The following CCDC88C variants were observed in gnomAD, a reference collection of about 807,000 sequenced individuals.
CCDC88C encodes protein Daple.
In CCDC88C, 131 loss-of-function variants were observed where a neutral mutation model predicts 198.8. The observed-to-expected ratio is 0.66, with a 90% confidence interval of 0.57 to 0.76. The LOEUF (loss-of-function observed/expected upper bound fraction) is 0.76. Among genes scored for constraint, CCDC88C ranks in the 30% least tolerant of loss-of-function variants. The probability of loss-of-function intolerance (pLI) is 0.00; values close to 1 mark genes in which losing one functional copy is unlikely to be tolerated. For missense variants in CCDC88C, 2,553 were observed against 2,631.6 expected (o/e 0.97, Z 0.65); for synonymous variants, 1,166 against 1,114.7 (o/e 1.05, Z -0.92).
In CCDC88C at chr14:91,288,496, C is replaced by T. The variant is rs570252337; in HGVS notation, c.4441+609G>A. Among the ~76,000 whole-genome samples, 1 of 152,202 alleles carries T rather than the reference C, an allele frequency of 6.6e-6. No individual in the cohort carries two copies. The stretch of plus-strand genomic sequence containing the variant: ...CAGCTTTCTACAAATCTGGCACATA[C>T]GAGGCAGCCCAAAATAAGCTATGTC... On this transcript the variant is annotated intron_variant, in intron 25 of 29. Coordinates refer to ENST00000389857, the MANE Select transcript of CCDC88C (RefSeq NM_001080414.4). The surrounding 1 kb of genome is among the most constrained non-coding windows in gnomAD (Gnocchi z 4.2).
In CCDC88C at chr14:91,279,289, A is replaced by G. The variant is rs1890101634; in HGVS notation, c.4717T>C (p.Leu1573=). ...CTGGATGTGTTTCTACTGCTCTCTAAGCTACTTGGCCGCGACACTGAAAGG... is the reference window on the plus strand; with the variant it reads ...CTGGATGTGTTTCTACTGCTCTCTAGGCTACTTGGCCGCGACACTGAAAGG... ...HRQYVSRPSS[L]ESSRNTSSNS... is the part of the protein sequence containing the mutation. The change falls in exon 28 of 30, where the codon TTA becomes CTA. Residue 1573 remains leucine (L), a synonymous_variant. Coordinates refer to ENST00000389857, the MANE Select transcript of CCDC88C (RefSeq NM_001080414.4). The G allele has an allele frequency of 6.2e-7, 1 of 1,602,564 alleles. No homozygotes were observed. The highest frequency in any genetic ancestry group is 1.3e-5 in the African/African-American group (1 of 74,918).
In CCDC88C at chr14:91,273,045, A is replaced by T; in HGVS notation, c.5667T>A (p.Ala1889=). The T allele has an allele frequency of 6.4e-7, 1 of 1,554,230 alleles. No individual in the cohort carries two copies. Among genetic ancestry groups the T allele is most frequent in the East Asian group, 2.4e-5 (1 of 41,940 alleles). ...RPLDTRRFSL[A]PPKEERLAPL... ...GGGCCAGCCTCTCCTCCTTTGGGGG[A>T]GCCAGGGAGAAGCGCCTCGTGTCCA... The change falls in exon 30 of 30, where the codon GCT becomes GCA. Residue 1889 remains alanine, a synonymous_variant. Coordinates refer to ENST00000389857, the MANE Select transcript of CCDC88C (RefSeq NM_001080414.4). This position sits in a 1 kb window ranked among gnomAD's most constrained non-coding sequence, Gnocchi z 5.6.
intron 4 of CCDC88C, among the ~76,000 whole-genome samples, chr14:91,346,185 T>G (rs1034108469): frequency 5.3e-5 from 8 of 152,188 alleles, no homozygotes; most frequent in Non-Finnish European, 1.2e-4. Flanking sequence ...ACCCCTCAAC[T>G]GAGAAATAGC....
intron 3 of CCDC88C, among the ~76,000 whole-genome samples, chr14:91,373,695 C>T (rs548889419): frequency 2.0e-5 from 3 of 152,106 alleles, no homozygotes; most frequent in Admixed American, 6.5e-5. Context: ...GTTGAAAAGC[C>T]GGGGAGGAGG....
rs757563257 is a variant in CCDC88C, at chr14:91,305,887, G to C, written c.3235C>G (p.Gln1079Glu). Residue 1079 changes from glutamine to glutamate, a missense_variant, in exon 19 of 30, where the codon CAG (glutamine) becomes GAG (glutamate). By Grantham distance (29) the Gln-to-Glu change is conservative. Around this residue, in one of 2 missense-constraint regions of CCDC88C, gnomAD observed 1,260 missense variants for 1,412.0 expected, o/e 0.89. Transcript: ENST00000389857. The stretch of plus-strand genomic sequence containing the variant: ...TTCTGGGTCTCCAGGTGCTGCAGCT[G>C]TTCCTTTAGCAGCTGCTTCTCAGCC... Reference protein sequence around the residue: ...LQAEKQLLKEQLQHLETQNVT... With the variant: ...LQAEKQLLKEELQHLETQNVT... 4 of 1,613,884 alleles carry C rather than the reference G, an allele frequency of 2.5e-6. No individual in the cohort carries two copies. Among genetic ancestry groups the C allele is most frequent in the East Asian group, 2.2e-5 (1 of 44,890 alleles).
chr14:91,404,132 C>T (rs1033784968), intron 3 of CCDC88C, among the ~76,000 whole-genome samples: 1 of 152,146 alleles, frequency 6.6e-6, no homozygotes, highest in African/African-American at 2.4e-5. Context: ...GGTGTCCCCA[C>T]ATTGGACAGG....
chr14:91,348,713 G>T (rs1047229945), intron 4 of CCDC88C, among the ~76,000 whole-genome samples: 2 of 152,144 alleles, frequency 1.3e-5, no homozygotes, highest in African/African-American at 4.8e-5. Context: ...GTAACAGGAG[G>T]GAAAAAGGCT....
At position 91,339,327 on chromosome 14, in the gene CCDC88C, C is replaced by T. The variant is rs769431847; in HGVS notation, c.760G>A (p.Val254Ile). Residue 254 changes from valine to isoleucine, a missense_variant, in exon 8 of 30, where the codon GTA (valine) becomes ATA (isoleucine). Physicochemically the swap from Val to Ile is conservative, Grantham distance 29. This residue lies in a region of CCDC88C where 1,260 missense variants were observed against 1,412.0 expected (regional missense o/e 0.89). Transcript: ENST00000389857. This position sits in a 1 kb window ranked among gnomAD's most constrained non-coding sequence, Gnocchi z 5.8. ...LSSEDKQHLA[V>I]ELADTKARLR... The stretch of plus-strand genomic sequence containing the variant: ...CTGGCCTTGGTGTCGGCCAGCTCTA[C>T]GGCCAGGTGCTGCTTGTCTTCGCTA... 1.9e-5 allele frequency: 31 copies of T among 1,613,546 alleles called. No homozygotes were observed. The highest frequency in any genetic ancestry group is 8.3e-5 in the Admixed American group (5 of 59,984).
chr14:91,280,533 G>A (rs930092498), intron 27 of CCDC88C, among the ~76,000 whole-genome samples: 4 of 152,186 alleles, frequency 2.6e-5, no homozygotes, highest in Admixed American at 6.5e-5. Context: ...CCGTGATAGC[G>A]ATCAACGGCC....
At position 91,396,178 on chromosome 14, in the gene CCDC88C, G is replaced by T. The variant is rs10484029; in HGVS notation, c.270+12481C>A. On this transcript the variant is annotated intron_variant, in intron 3 of 29. Coordinates refer to ENST00000389857, the MANE Select transcript of CCDC88C (RefSeq NM_001080414.4). Reference sequence around the variant, plus strand: ...AATAACAAAAACTGTTACGAGCCCTGGAGGTGAGCCACGCAGCCGGCTTCA... The same window carrying T: ...AATAACAAAAACTGTTACGAGCCCTTGAGGTGAGCCACGCAGCCGGCTTCA... 3.2e-3 allele frequency among the ~76,000 whole-genome samples: 494 copies of T among 152,318 alleles called. 4 individuals are homozygous for T. The highest frequency in any genetic ancestry group is 0.011 in the African/African-American group (462 of 41,562).
intron 13 of CCDC88C, among the ~76,000 whole-genome samples, chr14:91,318,996 C>A (rs1892233161): frequency 6.7e-6 from 1 of 150,320 alleles, no homozygotes; most frequent in Non-Finnish European, 1.5e-5. Context: ...CAGTAAATGA[C>A]ACTGCCAGGA....
intron 13 of CCDC88C, among the ~76,000 whole-genome samples, chr14:91,317,517 C>A (rs575936959): frequency 6.6e-6 from 1 of 152,212 alleles, no homozygotes; most frequent in African/African-American, 2.4e-5. Context: ...GCACCCTCTA[C>A]GTGTCAGACT....
At position 91,298,402 on chromosome 14, in the gene CCDC88C, C is replaced by A. The variant is rs942223781; in HGVS notation, c.3780-911G>T. Among the ~76,000 whole-genome samples the A allele has an allele frequency of 2.6e-5, 4 of 151,930 alleles. No individual in the cohort carries two copies. In the East Asian group the frequency reaches 7.7e-4, roughly 29 times the overall value. On this transcript the variant is annotated intron_variant, in intron 21 of 29. Coordinates refer to ENST00000389857, the MANE Select transcript of CCDC88C (RefSeq NM_001080414.4). ...AAAAAAATGTTGCCGGGCATAGTGA[C>A]GCACACCTGTGCTCCCAGCTACTTG... is the stretch of plus-strand genomic sequence containing the variant.
rs1481621974 is a variant in CCDC88C at position 91,271,463 on chromosome 14, A to C, written c.*1162T>G. The C allele has an allele frequency of 6.6e-6, 1 of 151,952 alleles. No homozygotes were observed. The highest frequency in any genetic ancestry group is 1.5e-5 in the Non-Finnish European group (1 of 68,010). 9.4% of individuals were successfully genotyped at this position (151,952 alleles called of 1,614,324 possible). ...CATTTCTTTCTCAGTATATTAAATC[A>C]AAAGGAAAAAAAAATCTTAAAAAAA... is the stretch of plus-strand genomic sequence containing the variant. On this transcript the variant is annotated 3_prime_UTR_variant, in exon 30 of 30. Coordinates refer to ENST00000389857, the MANE Select transcript of CCDC88C (RefSeq NM_001080414.4).
At chr14:91,362,793 G>A (rs1894368694) in intron 3 of CCDC88C, among the ~76,000 whole-genome samples, 1 of 152,124 alleles carries the variant, frequency 6.6e-6, no homozygotes, top group Non-Finnish European at 1.5e-5. Flanking sequence ...GCTGGGCGTG[G>A]TGGCGGGTGC....
chr14:91,383,178 G>C (rs904439522), intron 3 of CCDC88C, among the ~76,000 whole-genome samples: 2 of 152,196 alleles, frequency 1.3e-5, no homozygotes, highest in African/African-American at 4.8e-5. Context: ...CTTGGAGCTG[G>C]GGAAGCTGCT....
Position 91,305,824 on chromosome 14 carries a change from G to A in CCDC88C, c.3298C>T (p.Gln1100Ter). Residue 1100 changes from glutamine (Q) to a stop codon, truncating the protein, a stop_gained, in exon 19 of 30, where the codon CAG becomes TAG. Coordinates refer to ENST00000389857, the MANE Select transcript of CCDC88C (RefSeq NM_001080414.4). LOFTEE classifies it high-confidence loss of function. The stretch of plus-strand genomic sequence containing the variant: ...TTGTGCTCCTGCAGGAAGGCGCTCT[G>A]TTTCTGCAGTGTCAAGATCTGGCTG... Reference protein sequence around the residue: ...FSSQILTLQKQSAFLQEHNTT... With the variant: ...FSSQILTLQK The A allele has an allele frequency of 6.2e-7, 1 of 1,614,000 alleles. No individual in the cohort carries two copies. The highest frequency in any genetic ancestry group is 8.5e-7 in the Non-Finnish European group (1 of 1,179,870).
At chr14:91,330,232 G>A (rs1387144314) in intron 10 of CCDC88C, among the ~76,000 whole-genome samples, 1 of 152,252 alleles carries the variant, frequency 6.6e-6, no homozygotes, top group African/African-American at 2.4e-5. Flanking sequence ...CCTGGAGCAG[G>A]AGGCTGGGAG....
At chr14:91,393,348 C>A (rs752044849) in intron 3 of CCDC88C, among the ~76,000 whole-genome samples, 1 of 152,170 alleles carries the variant, frequency 6.6e-6, no homozygotes, top group African/African-American at 2.4e-5. Context: ...CCTAAACCCC[C>A]AGCCCTGCAG....
Sources: allele counts gnomAD v4.1 joint callset (sites outside exome capture counted in the v4.1 genomes callset), GRCh38; gene constraint gnomAD v4.1.1; regional missense constraint gnomAD v4.1.1; non-coding constraint Gnocchi (gnomAD v3.1); transcripts MANE v1.5; gene names NCBI Gene and HGNC (gene_info 2026-07-23, HGNC 2026-07-21).